Variants in KIRREL1 observed in about 807,000 individuals in gnomAD.
The protein encoded by KIRREL1 is kirre like nephrin family adhesion molecule 1.
KIRREL1 carries 25 observed loss-of-function variants against 83.3 expected under a neutral mutation model. That is an observed-to-expected ratio of 0.30 (90% CI 0.22 to 0.42). The LOEUF is 0.42. Among genes scored for constraint, KIRREL1 ranks in the 10% least tolerant of loss-of-function variants. The probability of loss-of-function intolerance (pLI) is 1.00; values close to 1 mark genes in which losing one functional copy is unlikely to be tolerated. For synonymous variants in KIRREL1, 388 were observed against 410.4 expected (o/e 0.95, Z 0.66); for missense variants, 812 against 1,032.3 (o/e 0.79, Z 2.92).
chr1:158,093,595 T>C, intron 12 of KIRREL1, 28 bp from the exon 13 acceptor site: 1 of 1,613,822 alleles, frequency 6.2e-7, no homozygotes, highest in Non-Finnish European at 8.5e-7. Context: ...CAGGAAGCAC[T>C]TGTTCCAGGC....
At chr1:157,994,462 T>G (rs1659135530) in intron 1 of KIRREL1, among the ~76,000 whole-genome samples, 1 of 151,388 alleles carries the variant, frequency 6.6e-6, no homozygotes. Context: ...CTCAGGAAAG[T>G]GTTGCTGTCT....
chr1:158,033,065 C>G (rs1660373866), intron 1 of KIRREL1, among the ~76,000 whole-genome samples: 1 of 149,256 alleles, frequency 6.7e-6, no homozygotes, highest in Non-Finnish European at 1.5e-5. Context: ...GCCACTGCGC[C>G]CGGCCGGGAT....
intron 5 of KIRREL1, 136 bp from the exon 6 acceptor site, chr1:158,087,619 A>G: frequency 3.2e-6 from 2 of 620,904 alleles, no homozygotes; most frequent in Non-Finnish European, 2.9e-6. Context: ...ACAGTGTGTT[A>G]ACTGGAGCCG....
rs1662021728 is a variant in KIRREL1 at position 158,086,598 on chromosome 1, A to G, written c.513A>G (p.Glu171=). ...TQQEGAVAST[E]LLKDGKRETT... is the part of the protein sequence containing the mutation. Reference sequence around the variant, plus strand: ...CTCCCACCCTTGTCATGTTCCAGGAATTGCTGAAGGATGGGAAGAGGGAGA... The same window carrying G: ...CTCCCACCCTTGTCATGTTCCAGGAGTTGCTGAAGGATGGGAAGAGGGAGA... Residue 171 remains glutamate (E), a splice_region_variant and synonymous_variant, in exon 5 of 15, where the codon GAA becomes GAG. Coordinates refer to ENST00000359209, the MANE Select transcript of KIRREL1 (RefSeq NM_018240.7). 2.6e-6 allele frequency: 4 copies of G among 1,551,868 alleles called. No individual in the cohort carries two copies. The highest frequency in any genetic ancestry group is 3.5e-6 in the Non-Finnish European group (4 of 1,146,994).
chr1:157,993,711 C>A lies in KIRREL1; in HGVS notation c.35C>A (p.Ser12Tyr). 1.3e-6 allele frequency: 2 copies of A among 1,495,010 alleles called. No homozygotes were observed. The highest frequency in any genetic ancestry group is 1.8e-6 in the Non-Finnish European group (2 of 1,120,808). 92.6% of individuals were successfully genotyped at this position (1,495,010 alleles called of 1,614,324 possible). ...CTCCTCGTCTGGATCCTCACTCTCT[C>A]CGATACTTTCTCCCAAGGTAAGGGC... ...LSLLVWILTLSDTFSQGTQTR... is the reference protein window; with the variant it reads ...LSLLVWILTLYDTFSQGTQTR... The change falls in exon 1 of 15, where the codon TCC becomes TAC. Residue 12 changes from serine to tyrosine, a missense_variant. Coordinates refer to ENST00000359209, the MANE Select transcript of KIRREL1 (RefSeq NM_018240.7).
rs139233329 is a variant in KIRREL1 at position 158,047,328 on chromosome 1, G to T, written c.53-28785G>T. Among the ~76,000 whole-genome samples, 189 of 152,262 alleles carry T rather than the reference G, an allele frequency of 1.2e-3. 1 individual carries two copies. The highest frequency in any genetic ancestry group is 4.4e-3 in the African/African-American group (182 of 41,538). ...GAAGAGAGCAACACAGACAAACAAT[G>T]ATTGTGCCATGTGGAAAGTGCTGAC... On this transcript the variant is annotated intron_variant, in intron 1 of 14. Transcript: ENST00000359209.
At chr1:158,013,786 C>T (rs1464528371) in intron 1 of KIRREL1, among the ~76,000 whole-genome samples, 1 of 152,134 alleles carries the variant, frequency 6.6e-6, no homozygotes, top group Non-Finnish European at 1.5e-5. Flanking sequence ...CCCTGCCTCC[C>T]CTACCATTCC....
rs1201685253 is a variant in KIRREL1, at chr1:158,099,764, A to C, written c.*4644A>C. 1 of 152,098 alleles carries C rather than the reference A, an allele frequency of 6.6e-6. No individual in the cohort carries two copies. Among genetic ancestry groups the C allele is most frequent in the Non-Finnish European group, 1.5e-5 (1 of 68,034 alleles). The allele number at this position is 152,098 out of a possible 1,614,324, so 9.4% of individuals were successfully genotyped here. ...CCTTGTTGAGTATCGATGGGCCCTG[A>C]GCTCTTCTGTTTGCTTTTGGAGCTC... On this transcript the variant is annotated 3_prime_UTR_variant, in exon 15 of 15. Coordinates refer to ENST00000359209, the MANE Select transcript of KIRREL1 (RefSeq NM_018240.7).
chr1:158,088,776 G>A (rs564339187), intron 8 of KIRREL1, among the ~76,000 whole-genome samples: 114 of 152,304 alleles, frequency 7.5e-4, no homozygotes, highest in Middle Eastern at 3.4e-3. Flanking sequence ...GAGCCACCGC[G>A]CCCGGCCTTA....
At chr1:158,038,412 T>C (rs1477278250) in intron 1 of KIRREL1, among the ~76,000 whole-genome samples, 2 of 151,418 alleles carry the variant, frequency 1.3e-5, no homozygotes, top group African/African-American at 4.9e-5. Flanking sequence ...ATGAGTGTTA[T>C]GATGTTAAAG....
intron 1 of KIRREL1, among the ~76,000 whole-genome samples, chr1:158,036,568 G>A (rs1427915895): frequency 1.3e-5 from 2 of 152,132 alleles, no homozygotes; most frequent in Non-Finnish European, 2.9e-5. Flanking sequence ...CAAGGAGAGC[G>A]GCAAGGTTCA....
At chr1:158,006,083 C>T (rs1659511746) in intron 1 of KIRREL1, among the ~76,000 whole-genome samples, 2 of 152,268 alleles carry the variant, frequency 1.3e-5, no homozygotes, top group South Asian at 2.1e-4. Context: ...ACAGATGGGG[C>T]GAGATCAATA....
chr1:158,013,650 C>T (rs967037800), intron 1 of KIRREL1, among the ~76,000 whole-genome samples: 1 of 152,186 alleles, frequency 6.6e-6, no homozygotes, highest in African/African-American at 2.4e-5. Flanking sequence ...GACTCGCTGC[C>T]CCACAGCAGT....
intron 4 of KIRREL1, 48 bp downstream of exon 4, chr1:158,084,627 C>T (rs994144005): frequency 1.3e-6 from 2 of 1,534,182 alleles, no homozygotes; most frequent in Non-Finnish European, 1.8e-6. Context: ...TAGCCCAGCT[C>T]ACCTCTCCTT....
intron 1 of KIRREL1, among the ~76,000 whole-genome samples, chr1:158,002,283 C>G (rs1042418254): frequency 6.6e-6 from 1 of 152,224 alleles, no homozygotes; most frequent in African/African-American, 2.4e-5. Context: ...CTGTCCCCCC[C>G]AAGCTTGGGC....
At chr1:158,019,273 C>T (rs1659931683) in intron 1 of KIRREL1, among the ~76,000 whole-genome samples, 1 of 151,952 alleles carries the variant, frequency 6.6e-6, no homozygotes, top group African/African-American at 2.4e-5. Context: ...TAGCTCTGCT[C>T]CTGTGATGTT....
chr1:158,005,405 C>T (rs574419571), intron 1 of KIRREL1, among the ~76,000 whole-genome samples: 49 of 152,116 alleles, frequency 3.2e-4, no homozygotes, highest in Admixed American at 1.8e-3. Context: ...TATCTAAGCC[C>T]CTCCCTGCCA....
At chr1:158,014,105 A>G (rs546434666) in intron 1 of KIRREL1, among the ~76,000 whole-genome samples, 1 of 152,100 alleles carries the variant, frequency 6.6e-6, no homozygotes, top group African/African-American at 2.4e-5. Context: ...GGAGGAAATG[A>G]GAGAATGAGG....
chr1:158,097,307 C>T lies in KIRREL1; in HGVS notation c.*2187C>T. ...AAGACTTGAAGTCTAAAGATGGTGG[C>T]TTTTAAAACATGCATATTCCAAAAA... On this transcript the variant is annotated 3_prime_UTR_variant, in exon 15 of 15. Coordinates refer to ENST00000359209, the MANE Select transcript of KIRREL1 (RefSeq NM_018240.7). The T allele has an allele frequency of 6.5e-6, 2 of 308,216 alleles. No homozygotes were observed. Among genetic ancestry groups the T allele is most frequent in the South Asian group, 3.0e-5 (1 of 33,686 alleles). 19.1% of individuals were successfully genotyped at this position (308,216 alleles called of 1,614,324 possible).
Sources: allele counts gnomAD v4.1 joint callset (sites outside exome capture counted in the v4.1 genomes callset), GRCh38; gene constraint gnomAD v4.1.1; transcripts MANE v1.5; gene names NCBI Gene and HGNC (gene_info 2026-07-23, HGNC 2026-07-21).